DMD: variants seen among roughly 807,000 people sequenced by gnomAD.
DMD encodes the protein dystrophin.
A neutral mutation model predicts 330.1 loss-of-function variants in DMD; 63 were observed. The observed-to-expected ratio is 0.19, with a 90% CI of 0.16 to 0.24. The LOEUF (loss-of-function observed/expected upper bound fraction) is 0.24, where lower values mean the gene tolerates loss of function less well. DMD is among the 10% of genes least tolerant of loss of function. The probability of loss-of-function intolerance (pLI) is 1.00; values close to 1 mark genes in which losing one functional copy is unlikely to be tolerated. For missense variants in DMD, 3,344 were observed against 2,684.1 expected (o/e 1.25, Z -5.43); for synonymous variants, 1,223 against 959.8 (o/e 1.27, Z -5.07).
chrX:33,269,967 T>C (rs894032832), intron 1 of DMD, among the ~76,000 whole-genome samples: 2 of 108,420 alleles, frequency 1.8e-5, no homozygotes, highest in Admixed American at 2.0e-4. Flanking sequence ...TATATATATG[T>C]ATATATATAT....
intron 50 of DMD, among the ~76,000 whole-genome samples, chrX:31,800,361 A>G (rs1178785242): frequency 3.6e-5 from 4 of 112,619 alleles, no homozygotes; most frequent in African/African-American, 6.4e-5. Context: ...CACCACATGT[A>G]AGCCACTAAG....
intron 17 of DMD, among the ~76,000 whole-genome samples, chrX:32,532,007 A>G (rs2047527469): frequency 9.0e-6 from 1 of 111,375 alleles, no homozygotes; most frequent in Non-Finnish European, 1.9e-5. Flanking sequence ...TTAATTTCCT[A>G]AAATCCTCAA....
At chrX:32,515,287 T>C (rs1197972312) in intron 18 of DMD, among the ~76,000 whole-genome samples, 1 of 111,135 alleles carries the variant, frequency 9.0e-6, no homozygotes, top group Admixed American at 9.6e-5. Flanking sequence ...GAAGAAAATA[T>C]AGACTCGAGG....
intron 50 of DMD, among the ~76,000 whole-genome samples, chrX:31,804,292 C>A (rs977326871): frequency 8.1e-5 from 9 of 111,795 alleles, no homozygotes; most frequent in African/African-American, 2.9e-4. Context: ...TTCGCGTTCT[C>A]TGTATCTCTC....
chrX:32,879,244 A>T (rs1199713477), intron 2 of DMD, among the ~76,000 whole-genome samples: 1 of 111,384 alleles, frequency 9.0e-6, no homozygotes, highest in Non-Finnish European at 1.9e-5. Context: ...GATGGCATTT[A>T]TTAATGCCAG....
At chrX:31,697,374 T>TC (rs1296099885) in intron 52 of DMD, among the ~76,000 whole-genome samples, 1 of 111,635 alleles carries the variant, frequency 9.0e-6, no homozygotes, top group Non-Finnish European at 1.9e-5. Context: ...ATTTTTTTTT[T>TC]CTCACAAAGG....
At chrX:32,603,825 G>C (rs935075034) in intron 12 of DMD, among the ~76,000 whole-genome samples, 6 of 111,113 alleles carry the variant, frequency 5.4e-5, no homozygotes, top group Non-Finnish European at 1.1e-4. Context: ...ATCTTGGACA[G>C]ACCAATAACA....
chrX:33,028,430 T>G (rs10126955), intron 1 of DMD, among the ~76,000 whole-genome samples: 21,730 of 111,391 alleles, frequency 0.2, 2,031 homozygotes, highest in Non-Finnish European at 0.29. Context: ...GAATGGCATA[T>G]AAGGGCCTTC....
intron 7 of DMD, among the ~76,000 whole-genome samples, chrX:32,710,022 C>T (rs1042297169): frequency 9.0e-6 from 1 of 111,302 alleles, no homozygotes; most frequent in African/African-American, 3.3e-5. Flanking sequence ...AAATTGAGCA[C>T]TGCTTGAAGG....
chrX:32,708,304 A>G (rs12011531), intron 7 of DMD, among the ~76,000 whole-genome samples: 15,914 of 107,988 alleles, frequency 0.15, 3,118 homozygotes, highest in African/African-American at 0.52. Context: ...TTTTTGAAAA[A>G]AATATGGTAA....
chrX:32,326,825 T>C (rs2097653012), intron 41 of DMD, among the ~76,000 whole-genome samples: 1 of 109,447 alleles, frequency 9.1e-6, no homozygotes, highest in Admixed American at 9.8e-5. Flanking sequence ...GAGAATCACT[T>C]GAACCTGGGA....
chrX:32,921,484 G>A (rs1471030547), intron 2 of DMD, among the ~76,000 whole-genome samples: 1 of 111,251 alleles, frequency 9.0e-6, no homozygotes, highest in Non-Finnish European at 1.9e-5. Context: ...GTTTTTTATG[G>A]TATGAGGAAA....
At chrX:31,345,434 C>T (rs1185865591) in intron 61 of DMD, among the ~76,000 whole-genome samples, 8 of 111,810 alleles carry the variant, frequency 7.2e-5, no homozygotes, top group African/African-American at 2.6e-4. Context: ...TTAAACTTTA[C>T]CTATCACTTG....
rs185019658 is a variant in DMD at position 32,241,839 on chromosome X, C to T, written c.6291-24776G>A. Among the ~76,000 whole-genome samples, 3 of 111,028 alleles carry T rather than the reference C, an allele frequency of 2.7e-5. No individual in the cohort carries two copies. The East Asian group carries it at 8.6e-4, about 32-fold the overall frequency. Reference sequence around the variant, plus strand: ...AACACTTGGATTAGAAATCTCTAATCATTTTGCATTGGTTTTTATAATAGG... The same window carrying T: ...AACACTTGGATTAGAAATCTCTAATTATTTTGCATTGGTTTTTATAATAGG... On this transcript the variant is annotated intron_variant, in intron 43 of 78. Transcript: ENST00000357033.
intron 21 of DMD, among the ~76,000 whole-genome samples, chrX:32,475,619 T>C (rs1210471513): frequency 6.3e-5 from 7 of 110,366 alleles, no homozygotes; most frequent in Non-Finnish European, 1.3e-4. Context: ...TGTTGTTATT[T>C]TATTTTATTT....
chrX:32,601,769 T>A (rs2056236473), intron 12 of DMD, among the ~76,000 whole-genome samples: 2 of 111,948 alleles, frequency 1.8e-5, no homozygotes, highest in African/African-American at 6.5e-5. Context: ...TCCTAATTTG[T>A]AAAACTAAGA....
intron 17 of DMD, among the ~76,000 whole-genome samples, chrX:32,533,362 T>C (rs898994215): frequency 5.4e-5 from 6 of 111,920 alleles, no homozygotes; most frequent in African/African-American, 1.6e-4. Context: ...ATACTTCTGC[T>C]GGAGGCAAAC....
chrX:31,796,572 T>G (rs2091842141), intron 50 of DMD, among the ~76,000 whole-genome samples: 1 of 112,356 alleles, frequency 8.9e-6, no homozygotes, highest in African/African-American at 3.2e-5. Context: ...GAGAGAAGCC[T>G]GAACTAGAGA....
intron 55 of DMD, among the ~76,000 whole-genome samples, chrX:31,605,472 T>G (rs2077566462): frequency 1.8e-5 from 2 of 111,789 alleles, no homozygotes; most frequent in Admixed American, 1.9e-4. Flanking sequence ...TCTGCATCAA[T>G]TGTTAAAAAA....
Sources: allele counts gnomAD v4.1 joint callset (sites outside exome capture counted in the v4.1 genomes callset), GRCh38; gene constraint gnomAD v4.1.1; transcripts MANE v1.5; gene names NCBI Gene and HGNC (gene_info 2026-07-23, HGNC 2026-07-21).